HYDIN: variants seen among roughly 807,000 people sequenced by gnomAD.
HYDIN encodes the protein HYDIN axonemal central pair apparatus protein.
Under a neutral mutation model 403.9 loss-of-function variants are expected in HYDIN, and 132 were observed. The ratio of observed to expected loss-of-function variants is 0.33; its 90% CI spans 0.28 to 0.38. The LOEUF (loss-of-function observed/expected upper bound fraction) is 0.38, where lower values mean the gene tolerates loss of function less well. Ranked by LOEUF, HYDIN falls within the 10% of genes least tolerant of loss-of-function variation. The probability of loss-of-function intolerance (pLI) is 1.00; values close to 1 mark genes in which losing one functional copy is unlikely to be tolerated. For synonymous variants in HYDIN, 1,202 were observed against 1,891.7 expected (o/e 0.64, Z 9.46); for missense variants, 2,827 against 5,009.5 (o/e 0.56, Z 13.15).
rs537156725 is a variant in HYDIN at position 70,986,129 on chromosome 16, TA to T, written c.4195-808del. Among the ~76,000 whole-genome samples, 171 of 114,560 alleles carry T rather than the reference TA, an allele frequency of 1.5e-3. 1 individual carries two copies. Among genetic ancestry groups the T allele is most frequent in the South Asian group, 0.015 (45 of 3,080 alleles). The allele number at this position is 114,560 out of a possible 152,430, so 75.2% of individuals were successfully genotyped here. A position where few individuals can be genotyped will look rare whatever the true frequency, so the allele number is the denominator to read the frequency against. Reference sequence around the variant, plus strand: ...ATAAAAAGAATTAAAATAAATAAATTAAAAAAAAAAAGATTTGCCTTCTGGA... The same window carrying T: ...ATAAAAAGAATTAAAATAAATAAATTAAAAAAAAAAGATTTGCCTTCTGGA... On this transcript the variant is annotated intron_variant, in intron 27 of 85. Transcript: ENST00000393567.
chr16:71,034,546 G>A (rs988034550), intron 18 of HYDIN, among the ~76,000 whole-genome samples: 2 of 151,376 alleles, frequency 1.3e-5, no homozygotes, highest in African/African-American at 4.9e-5. Context: ...AGGCTCACAG[G>A]TACTTAAATA....
rs181166692 is a variant in HYDIN, at chr16:70,889,772, T to C, written c.9657-68A>G. On this transcript the variant is annotated intron_variant, in intron 57 of 85. Transcript: ENST00000393567. ...GGGGTAACATTAGACACCACCTGTC[T>C]GTTTTCTTGCAAGGGCCCTTCTCCC... The C allele has an allele frequency of 0.011, 7,166 of 673,588 alleles. 418 individuals are homozygous for C. In the African/African-American group the frequency reaches 0.12, roughly 11 times the overall value. 41.7% of individuals were successfully genotyped at this position (673,588 alleles called of 1,614,324 possible).
In HYDIN at chr16:70,978,918, G is replaced by A; in HGVS notation, c.4634C>T (p.Ala1545Val). 1.2e-6 allele frequency: 2 copies of A among 1,613,308 alleles called. No homozygotes were observed. Among genetic ancestry groups the A allele is most frequent in the Non-Finnish European group, 1.7e-6 (2 of 1,179,978 alleles). ...TGCAGGCTGGAGCTGTCTTACCTCA[G>A]CAGGCTCGTCTTCTGGCACTTCCTC... ...ITEEVPEDEPAEVSAHLQMEV... is the reference protein window; with the variant it reads ...ITEEVPEDEPVEVSAHLQMEV... The change falls in exon 30 of 86, where the codon GCT becomes GTT. Residue 1545 changes from alanine (A) to valine (V), a missense_variant. Coordinates refer to ENST00000393567, the MANE Select transcript of HYDIN (RefSeq NM_001270974.2).
At chr16:71,133,429 G>T (rs1286349314) in intron 8 of HYDIN, 1 of 370,800 alleles carries the variant, frequency 2.7e-6, no homozygotes, top group Non-Finnish European at 5.3e-6. Flanking sequence ...GAAGGAAAGG[G>T]GCCTCTAAAC....
At chr16:71,182,983 C>T (rs1273668198) in intron 3 of HYDIN, among the ~76,000 whole-genome samples, 1 of 152,106 alleles carries the variant, frequency 6.6e-6, no homozygotes, top group African/African-American at 2.4e-5. Context: ...GAGATGCTCA[C>T]TGTATCAAAT....
intron 10 of HYDIN, chr16:71,113,310 T>C (rs573944324): frequency 2.0e-5 from 3 of 149,348 alleles, no homozygotes; most frequent in African/African-American, 5.0e-5. Context: ...GAAGTAGCAG[T>C]GGTGACACAG....
At chr16:71,201,563 A>C (rs1353466595) in intron 1 of HYDIN, among the ~76,000 whole-genome samples, 3 of 152,152 alleles carry the variant, frequency 2.0e-5, no homozygotes, top group African/African-American at 7.2e-5. Flanking sequence ...AGCCCACCAA[A>C]GCCAATGAGG....
chr16:70,946,476 C>G (rs2143900070), intron 41 of HYDIN, among the ~76,000 whole-genome samples: 1 of 152,088 alleles, frequency 6.6e-6, no homozygotes, highest in African/African-American at 2.4e-5. Context: ...GAGTCTTCCC[C>G]AGCTATGTTC....
intron 1 of HYDIN, among the ~76,000 whole-genome samples, chr16:71,197,903 A>G (rs576457969): frequency 6.6e-6 from 1 of 152,244 alleles, no homozygotes; most frequent in East Asian, 1.9e-4. Flanking sequence ...ATCTGCCACC[A>G]TACCTAGCTA....
At chr16:71,190,400 T>C (rs2087375261) in intron 1 of HYDIN, among the ~76,000 whole-genome samples, 1 of 151,426 alleles carries the variant, frequency 6.6e-6, no homozygotes, top group Non-Finnish European at 1.5e-5. Flanking sequence ...ATTTAAATGA[T>C]ACTTTAAAAA....
intron 18 of HYDIN, among the ~76,000 whole-genome samples, chr16:71,038,731 GACC>G (rs1162377462): frequency 2.0e-5 from 3 of 152,254 alleles, no homozygotes; most frequent in African/African-American, 7.2e-5. Flanking sequence ...CGCCATCTCG[GACC>G]ACTGCAACCT....
chr16:71,107,214 G>T (rs1339617231), intron 10 of HYDIN, among the ~76,000 whole-genome samples: 4 of 151,312 alleles, frequency 2.6e-5, no homozygotes, highest in Non-Finnish European at 4.4e-5. Flanking sequence ...CGAGTTAATG[G>T]GTGCAGCCCA....
At chr16:71,135,974 A>G (rs1295701155) in intron 8 of HYDIN, among the ~76,000 whole-genome samples, 2 of 151,978 alleles carry the variant, frequency 1.3e-5, no homozygotes, top group African/African-American at 4.8e-5. Context: ...TTTTTATCAC[A>G]TACGAACTTG....
intron 7 of HYDIN, among the ~76,000 whole-genome samples, chr16:71,139,890 G>T (rs897324827): frequency 6.6e-6 from 1 of 151,614 alleles, no homozygotes; most frequent in African/African-American, 2.4e-5. Flanking sequence ...AGTTCAAAAG[G>T]CCAGTGAAAG....
intron 35 of HYDIN, 103 bp from the exon 36 acceptor site, chr16:70,970,862 G>C: frequency 1.8e-6 from 2 of 1,107,792 alleles, no homozygotes; most frequent in East Asian, 2.5e-5. Context: ...TTTAGATTAA[G>C]GGAGAAAACT....
chr16:71,133,084 T>A, intron 8 of HYDIN: 1 of 367,592 alleles, frequency 2.7e-6, no homozygotes, highest in South Asian at 2.1e-5. Context: ...GGGGAAGATG[T>A]GTGTCTCCAG....
intron 9 of HYDIN, among the ~76,000 whole-genome samples, chr16:71,121,893 T>C (rs1285461778): frequency 6.6e-6 from 1 of 152,132 alleles, no homozygotes; most frequent in African/African-American, 2.4e-5. Context: ...ACCATCTTAG[T>C]TATCACTGAC....
intron 3 of HYDIN, among the ~76,000 whole-genome samples, chr16:71,184,125 G>GT (rs1223248382): frequency 6.6e-6 from 1 of 152,100 alleles, no homozygotes; most frequent in East Asian, 1.9e-4. Flanking sequence ...TGGTGTAGCA[G>GT]TAACAGCAGA....
At position 70,807,344 on chromosome 16, in the gene HYDIN, G is replaced by T; in HGVS notation, c.*236C>A. 1 of 475,266 alleles carries T rather than the reference G, an allele frequency of 2.1e-6. No homozygotes were observed. The highest frequency in any genetic ancestry group is 3.7e-6 in the Non-Finnish European group (1 of 273,540). 29.4% of individuals were successfully genotyped at this position (475,266 alleles called of 1,614,324 possible). On this transcript the variant is annotated 3_prime_UTR_variant, in exon 86 of 86. Transcript: ENST00000393567. ...GCTATGTCAAGAAACTCAATTTAGG[G>T]ACTCACAAGGATTCAGTTGTCTAAA...
Sources: allele counts gnomAD v4.1 joint callset (sites outside exome capture counted in the v4.1 genomes callset), GRCh38; gene constraint gnomAD v4.1.1; transcripts MANE v1.5; gene names NCBI Gene and HGNC (gene_info 2026-07-23, HGNC 2026-07-21).